Variants in KIAA1217 observed in about 807,000 individuals in gnomAD.
KIAA1217 encodes KIAA1217, also known as sickle tail protein homolog.
KIAA1217 carries 88 observed loss-of-function variants against 163.9 expected under a neutral mutation model. The observed-to-expected ratio is 0.54, with a 90% CI of 0.45 to 0.64. The LOEUF (loss-of-function observed/expected upper bound fraction) is 0.64, where lower values mean the gene tolerates loss of function less well. Ranked by LOEUF, KIAA1217 falls within the 30% of genes least tolerant of loss-of-function variation. The probability of loss-of-function intolerance (pLI) is 0.00; values close to 1 mark genes in which losing one functional copy is unlikely to be tolerated. For missense variants in KIAA1217, 2,372 were observed against 2,475.0 expected, an observed-to-expected ratio of 0.96 and a Z score of 0.88; for synonymous variants, 903 against 923.1, an observed-to-expected ratio of 0.98 and a Z score of 0.39.
intron 2 of KIAA1217, among the ~76,000 whole-genome samples, chr10:24,044,070 G>A (rs1348657553): frequency 6.6e-6 from 1 of 152,144 alleles, no homozygotes; most frequent in Non-Finnish European, 1.5e-5. Flanking sequence ...AGTATTCTAT[G>A]ACAAGACATT....
chr10:23,889,119 T>C (rs1841312640), intron 1 of KIAA1217, among the ~76,000 whole-genome samples: 1 of 151,916 alleles, frequency 6.6e-6, no homozygotes, highest in Admixed American at 6.6e-5. Context: ...CTATTGTAAT[T>C]AAAGCTACTC....
intron 1 of KIAA1217, among the ~76,000 whole-genome samples, chr10:23,866,650 G>T (rs537021582): frequency 3.2e-4 from 48 of 151,892 alleles, no homozygotes; most frequent in African/African-American, 1.1e-3. Flanking sequence ...TGCCATCAGA[G>T]CTCCTCTGAT....
chr10:23,814,805 A>T (rs1020827474), intron 1 of KIAA1217, among the ~76,000 whole-genome samples: 2 of 143,948 alleles, frequency 1.4e-5, no homozygotes, highest in African/African-American at 5.5e-5. Flanking sequence ...ATTTTAAATC[A>T]TTTAGTAGAT....
At chr10:24,404,370 C>CAG (rs2131164333) in intron 3 of KIAA1217, among the ~76,000 whole-genome samples, 2 of 152,096 alleles carry the variant, frequency 1.3e-5, no homozygotes, top group Middle Eastern at 3.4e-3. Context: ...AGATGGAGAC[C>CAG]CTCCTGGCCA....
At position 24,287,196 on chromosome 10, in the gene KIAA1217, A is replaced by G. The variant is rs117801070; in HGVS notation, c.354+67287A>G. On this transcript the variant is annotated intron_variant, in intron 2 of 20. Transcript: ENST00000376454. Reference sequence around the variant, plus strand: ...CTCCCAAGTAACTGGGATTACAGGCATGCGCCACACGCCGAGCTAATTTTT... The same window carrying G: ...CTCCCAAGTAACTGGGATTACAGGCGTGCGCCACACGCCGAGCTAATTTTT... Among the ~76,000 whole-genome samples, 1,442 of 152,242 alleles carry G rather than the reference A, an allele frequency of 9.5e-3. 28 individuals are homozygous for G. Among genetic ancestry groups the G allele is most frequent in the East Asian group, 0.084 (432 of 5,148 alleles).
chr10:23,988,082 G>C (rs1458463140), intron 1 of KIAA1217, among the ~76,000 whole-genome samples: 1 of 149,204 alleles, frequency 6.7e-6, no homozygotes, highest in Non-Finnish European at 1.5e-5. Context: ...TTCTCATTCA[G>C]AACTTTCAAC....
chr10:24,501,449 A>G lies in KIAA1217; in HGVS notation c.1905A>G (p.Pro635=). The G allele has an allele frequency of 6.2e-7, 1 of 1,613,940 alleles. No homozygotes were observed. Among genetic ancestry groups the G allele is most frequent in the Non-Finnish European group, 8.5e-7 (1 of 1,179,968 alleles). ...LESTVPPSQP[P]PVGTSAIHMS... ...CCACGGTGCCTCCCAGCCAGCCTCC[A>G]CCTGTGGGCACCTCAGCCATCCACA... Residue 635 remains proline (P), a synonymous_variant, in exon 9 of 21, where the codon CCA becomes CCG. Coordinates refer to ENST00000376454, the MANE Select transcript of KIAA1217 (RefSeq NM_019590.5).
chr10:24,194,250 C>T (rs1185422504), intron 2 of KIAA1217, among the ~76,000 whole-genome samples: 1 of 150,084 alleles, frequency 6.7e-6, no homozygotes, highest in East Asian at 2.0e-4. Flanking sequence ...CCTATGAAAC[C>T]TTTCCCACCA....
At chr10:24,021,033 T>A (rs984754417) in intron 2 of KIAA1217, among the ~76,000 whole-genome samples, 2 of 151,960 alleles carry the variant, frequency 1.3e-5, no homozygotes, top group East Asian at 1.9e-4. Context: ...GATGTTAAAT[T>A]TAGCAATGAT....
At position 24,129,891 on chromosome 10, in the gene KIAA1217, C is replaced by G. The variant is rs538184177; in HGVS notation, c.-170-89735C>G. 1.4e-3 allele frequency among the ~76,000 whole-genome samples: 219 copies of G among 152,100 alleles called. 1 individual carries two copies. Among genetic ancestry groups the G allele is most frequent in the African/African-American group, 5.0e-3 (207 of 41,474 alleles). ...ATTCATGATCTTAGGCCTCATGTGT[C>G]TCTCATGATCAAGGGCCAGATTCAT... On this transcript the variant is annotated intron_variant, in intron 2 of 18. Coordinates refer to the KIAA1217 transcript ENST00000376462.
chr10:23,735,100 C>T (rs750777754), intron 1 of KIAA1217, among the ~76,000 whole-genome samples: 1 of 152,006 alleles, frequency 6.6e-6, no homozygotes, highest in Non-Finnish European at 1.5e-5. Flanking sequence ...ATGAATATTG[C>T]TATAGGTGTC....
At chr10:23,852,464 G>C (rs1464322179) in intron 1 of KIAA1217, among the ~76,000 whole-genome samples, 1 of 152,126 alleles carries the variant, frequency 6.6e-6, no homozygotes, top group African/African-American at 2.4e-5. Flanking sequence ...CTCCAGCTTT[G>C]TTCTTTTGGC....
intron 1 of KIAA1217, among the ~76,000 whole-genome samples, chr10:23,938,568 A>G (rs910137458): frequency 9.9e-5 from 15 of 152,224 alleles, no homozygotes; most frequent in African/African-American, 3.4e-4. Flanking sequence ...CTTTGTATAT[A>G]ATACAGCATA....
At chr10:23,898,295 C>CTA (rs202024385) in intron 1 of KIAA1217, among the ~76,000 whole-genome samples, 3,719 of 150,078 alleles carry the variant, frequency 0.025, 143 homozygotes, top group African/African-American at 0.082. Flanking sequence ...ATTTATAAGA[C>CTA]TATATATATA....
intron 1 of KIAA1217, among the ~76,000 whole-genome samples, chr10:23,979,494 A>G (rs1845677914): frequency 1.3e-5 from 2 of 152,238 alleles, no homozygotes; most frequent in Non-Finnish European, 2.9e-5. Context: ...ATGTTGTAAT[A>G]AAGTTTTGTG....
chr10:23,945,482 C>A (rs1466083311), intron 1 of KIAA1217, among the ~76,000 whole-genome samples: 1 of 152,132 alleles, frequency 6.6e-6, no homozygotes, highest in Non-Finnish European at 1.5e-5. Flanking sequence ...GCATTGATTG[C>A]ACAGGGACAT....
chr10:23,793,341 C>T (rs1274024828), intron 1 of KIAA1217, among the ~76,000 whole-genome samples: 1 of 152,160 alleles, frequency 6.6e-6, no homozygotes, highest in Non-Finnish European at 1.5e-5. Flanking sequence ...AGCACGTCCC[C>T]GGTGCGTTCT....
Position 23,718,219 on chromosome 10 carries a change from A to G in KIAA1217, c.-321+22985A>G, listed in dbSNP as rs888145265. On this transcript the variant is annotated intron_variant, in intron 1 of 18. Coordinates refer to the KIAA1217 transcript ENST00000376462. Reference sequence around the variant, plus strand: ...TCTCTTTTTACCTTGCATGTCATCAATAGAAAGTGGGGCCACAGTAGTTAA... The same window carrying G: ...TCTCTTTTTACCTTGCATGTCATCAGTAGAAAGTGGGGCCACAGTAGTTAA... Among the ~76,000 whole-genome samples, 4 of 152,328 alleles carry G rather than the reference A, an allele frequency of 2.6e-5. No individual in the cohort carries two copies. In the East Asian group the frequency reaches 7.7e-4, roughly 29 times the overall value.
In KIAA1217 at chr10:24,345,745, C is replaced by T. The variant is rs376622449; in HGVS notation, c.355-35124C>T. ...GGTGATTTTTTTTGGGTGGGGGGGTCGCTTTTTTCCCCCTTTCTCATTTTA... is the reference window on the plus strand; with the variant it reads ...GGTGATTTTTTTTGGGTGGGGGGGTTGCTTTTTTCCCCCTTTCTCATTTTA... On this transcript the variant is annotated intron_variant, in intron 2 of 20. Coordinates refer to ENST00000376454, the MANE Select transcript of KIAA1217 (RefSeq NM_019590.5). Among the ~76,000 whole-genome samples the T allele has an allele frequency of 1.3e-4, 20 of 152,172 alleles. No individual in the cohort carries two copies. In the East Asian group the frequency reaches 1.5e-3, roughly 12 times the overall value.
Sources: gnomAD v4.1 joint callset for allele counts (sites outside exome capture counted in the v4.1 genomes callset) on GRCh38, gnomAD v4.1.1 for gene constraint, MANE v1.5 for transcripts, NCBI Gene and HGNC (gene_info 2026-07-23, HGNC 2026-07-21) for gene names.